DLGAP1: variants seen among roughly 807,000 people sequenced by gnomAD.
DLGAP1 encodes the protein disks large-associated protein 1.
Under a neutral mutation model 90.8 loss-of-function variants are expected in DLGAP1, and 11 were observed. The ratio of observed to expected loss-of-function variants is 0.12; its 90% CI spans 0.08 to 0.20. DLGAP1 has a LOEUF of 0.20. DLGAP1 is among the 10% of genes least tolerant of loss of function. DLGAP1 has a pLI of 1.00. For missense variants in DLGAP1, 1,050 were observed against 1,333.8 expected (o/e 0.79, Z 3.31); for synonymous variants, 558 against 540.7 (o/e 1.03, Z -0.44).
rs536957734 is a variant in DLGAP1 at position 4,342,999 on chromosome 18, T to C, written c.-267+112007A>G. On this transcript the variant is annotated intron_variant, in intron 1 of 12. Coordinates refer to ENST00000315677, the MANE Select transcript of DLGAP1 (RefSeq NM_004746.4). The surrounding 1 kb of genome is among the most constrained non-coding windows in gnomAD (Gnocchi z 5.8). ...ACTGGGATAAATATAATCTAAATCA[T>C]AGTTGAACACTAAGTTTGGATTATG... 2.2e-4 allele frequency among the ~76,000 whole-genome samples: 34 copies of C among 152,246 alleles called. 1 individual carries two copies. Among genetic ancestry groups the C allele is most frequent in the African/African-American group, 7.2e-4 (30 of 41,558 alleles).
chr18:3,844,738 T>G (rs1368569122), intron 4 of DLGAP1, among the ~76,000 whole-genome samples: 1 of 152,208 alleles, frequency 6.6e-6, no homozygotes, highest in African/African-American at 2.4e-5. Context: ...ATTTTAGCAA[T>G]TGAAAATTAC....
chr18:4,315,877 T>G (rs2080512796), intron 1 of DLGAP1, among the ~76,000 whole-genome samples: 1 of 152,200 alleles, frequency 6.6e-6, no homozygotes, highest in Admixed American at 6.5e-5. Flanking sequence ...CAAAAAATAC[T>G]GATTGAATGA....
intron 2 of DLGAP1, among the ~76,000 whole-genome samples, chr18:4,014,236 C>T (rs2074482058): frequency 6.6e-6 from 1 of 152,014 alleles, no homozygotes; most frequent in African/African-American, 2.4e-5. Context: ...CAGGTGCGCA[C>T]CACCACACCC....
intron 3 of DLGAP1, among the ~76,000 whole-genome samples, chr18:3,926,093 A>G (rs2072375597): frequency 6.6e-6 from 1 of 152,214 alleles, no homozygotes; most frequent in African/African-American, 2.4e-5. Flanking sequence ...TATGTTTCTC[A>G]TTGCCAGAGA....
chr18:3,881,501 G>A (rs1036343920), intron 3 of DLGAP1, among the ~76,000 whole-genome samples: 2 of 152,096 alleles, frequency 1.3e-5, no homozygotes, highest in Admixed American at 6.5e-5. Context: ...TCTCTCTTCC[G>A]GCTTATGTTC....
chr18:3,707,078 A>T (rs2061457255), intron 7 of DLGAP1, among the ~76,000 whole-genome samples: 1 of 152,164 alleles, frequency 6.6e-6, no homozygotes, highest in African/African-American at 2.4e-5. Context: ...TTGTTAAGGG[A>T]CTGATTAATT....
At chr18:4,183,482 T>C (rs2077242157) in intron 1 of DLGAP1, among the ~76,000 whole-genome samples, 1 of 152,136 alleles carries the variant, frequency 6.6e-6, no homozygotes, top group Non-Finnish European at 1.5e-5. Context: ...ATCAAAAAAT[T>C]ATTTGAAGGT....
intron 1 of DLGAP1, among the ~76,000 whole-genome samples, chr18:4,452,000 T>G (rs138408156): frequency 7.2e-5 from 11 of 152,270 alleles, no homozygotes; most frequent in African/African-American, 2.4e-4. Context: ...GGAAATATAA[T>G]TACCAATGGA....
chr18:4,019,417 C>A (rs1568355051), intron 2 of DLGAP1, among the ~76,000 whole-genome samples: 1 of 152,198 alleles, frequency 6.6e-6, no homozygotes, highest in Non-Finnish European at 1.5e-5. Context: ...TATAAATACA[C>A]ATTTTCATAT....
intron 1 of DLGAP1, among the ~76,000 whole-genome samples, chr18:4,411,963 A>AG (rs2082788024): frequency 6.6e-6 from 1 of 152,180 alleles, no homozygotes; most frequent in African/African-American, 2.4e-5. Context: ...GGAGCAAAAA[A>AG]TAAGCTCAAT....
At chr18:4,093,201 G>C (rs1568392383) in intron 2 of DLGAP1, among the ~76,000 whole-genome samples, 1 of 152,116 alleles carries the variant, frequency 6.6e-6, no homozygotes, top group Non-Finnish European at 1.5e-5. Flanking sequence ...CAAAAACACA[G>C]CTTAGAAAAG....
chr18:3,890,983 C>A (rs1000192616), intron 3 of DLGAP1, among the ~76,000 whole-genome samples: 4 of 152,180 alleles, frequency 2.6e-5, no homozygotes, highest in African/African-American at 9.7e-5. Context: ...GAAGTCAAAT[C>A]AAATCAATAC....
intron 1 of DLGAP1, among the ~76,000 whole-genome samples, chr18:4,407,576 T>A (rs1389353828): frequency 6.6e-6 from 1 of 152,096 alleles, no homozygotes; most frequent in Non-Finnish European, 1.5e-5. Context: ...CCCTCAATCA[T>A]GTATCTAAAA....
intron 7 of DLGAP1, chr18:3,708,241 A>C: frequency 5.5e-6 from 2 of 361,504 alleles, no homozygotes; most frequent in South Asian, 2.1e-5. Flanking sequence ...GCTTGACTTC[A>C]AGTGATCCAC....
intron 7 of DLGAP1, chr18:3,679,713 G>C (rs1399633013): frequency 6.6e-6 from 1 of 151,754 alleles, no homozygotes; most frequent in Non-Finnish European, 1.5e-5. Context: ...GCTGAGGTGG[G>C]AGGATTGTTG....
intron 2 of DLGAP1, among the ~76,000 whole-genome samples, chr18:4,139,222 T>G (rs1016585921): frequency 3.9e-5 from 6 of 152,024 alleles, no homozygotes; most frequent in Admixed American, 3.3e-4. Context: ...ATTAGGTTAT[T>G]TGTAGTTTTT....
intron 7 of DLGAP1, among the ~76,000 whole-genome samples, chr18:3,636,500 C>T (rs1462631277): frequency 6.6e-6 from 1 of 151,666 alleles, no homozygotes; most frequent in African/African-American, 2.4e-5. Context: ...TAACCTCCAC[C>T]TCCCGGGTTC....
chr18:4,158,926 A>C (rs1177646716), intron 1 of DLGAP1, among the ~76,000 whole-genome samples: 1 of 152,172 alleles, frequency 6.6e-6, no homozygotes. Context: ...AGCTTTTTGC[A>C]ATCAGTCATA....
intron 1 of DLGAP1, among the ~76,000 whole-genome samples, chr18:4,232,680 A>G (rs28591473): frequency 3.8e-3 from 586 of 152,298 alleles, no homozygotes; most frequent in African/African-American, 0.012. Context: ...GAAATTTTAC[A>G]CTATCTGGTT....
Sources: gnomAD v4.1 joint callset for allele counts (sites outside exome capture counted in the v4.1 genomes callset) on GRCh38, gnomAD v4.1.1 for gene constraint, Gnocchi (gnomAD v3.1) non-coding constraint, MANE v1.5 for transcripts, NCBI Gene and HGNC (gene_info 2026-07-23, HGNC 2026-07-21) for gene names.